TRPV3: variants seen among roughly 807,000 people sequenced by gnomAD.
TRPV3 encodes the protein transient receptor potential cation channel subfamily V member 3, also known as VRL-3.
TRPV3 carries 88 observed loss-of-function variants against 87.1 expected under a neutral mutation model. That is an observed-to-expected ratio of 1.01 (90% CI 0.85 to 1.21). The LOEUF is 1.21. Among genes scored for constraint, TRPV3 ranks in the 50% most tolerant of loss-of-function variants. TRPV3 has a pLI of 0.00. For synonymous variants in TRPV3, 438 were observed against 423.3 expected, an observed-to-expected ratio of 1.03 and a Z score of -0.43; for missense variants, 1,054 against 1,030.1, an observed-to-expected ratio of 1.02 and a Z score of -0.32.
At chr17:3,552,790 G>A (rs1241515194) in intron 2 of TRPV3, 1 of 152,162 alleles carries the variant, frequency 6.6e-6, no homozygotes, top group Non-Finnish European at 1.5e-5. Flanking sequence ...TTTTCCGGAG[G>A]TCCAAACCTC....
Position 3,517,209 on chromosome 17 carries a change from T to C in TRPV3, c.2086-640A>G, listed in dbSNP as rs140875469. Among the ~76,000 whole-genome samples the C allele has an allele frequency of 5.8e-3, 876 of 152,178 alleles. 13 individuals are homozygous for C. Among genetic ancestry groups the C allele is most frequent in the Non-Finnish European group, 3.7e-3 (253 of 68,000 alleles). The stretch of plus-strand genomic sequence containing the variant: ...AAAGTGCTGGGGTCCTGGAATCCCA[T>C]AGCAGAGGACCGTTCAAACATCATT... On this transcript the variant is annotated intron_variant, in intron 15 of 17. Coordinates refer to ENST00000576742, the MANE Select transcript of TRPV3 (RefSeq NM_145068.4).
intron 8 of TRPV3, among the ~76,000 whole-genome samples, 187 bp downstream of exon 8, chr17:3,532,470 G>C (rs1321169378): frequency 6.6e-6 from 1 of 152,250 alleles, no homozygotes; most frequent in Non-Finnish European, 1.5e-5. Context: ...CACCAGCTCC[G>C]CGTGGCCCCT....
intron 1 of TRPV3, among the ~76,000 whole-genome samples, chr17:3,555,143 G>A (rs1365126649): frequency 6.6e-6 from 1 of 152,026 alleles, no homozygotes; most frequent in African/African-American, 2.4e-5. Flanking sequence ...ACCCTCCCCA[G>A]CCAACCAGTC....
intron 16 of TRPV3, among the ~76,000 whole-genome samples, chr17:3,515,431 G>A (rs565366954): frequency 2.0e-5 from 3 of 151,582 alleles, no homozygotes; most frequent in Non-Finnish European, 4.4e-5. Flanking sequence ...GAGGCCGAGG[G>A]GGGTGGATCA....
chr17:3,532,690 C>A lies in TRPV3; in HGVS notation c.1032G>T (p.Pro344=), dbSNP rs764246474. 13 of 1,614,102 alleles carry A rather than the reference C, an allele frequency of 8.1e-6. No individual in the cohort carries two copies. The highest frequency in any genetic ancestry group is 1.1e-5 in the Non-Finnish European group (13 of 1,180,046). Residue 344 remains proline, a synonymous_variant, in exon 8 of 18, where the codon CCG becomes CCT. Transcript: ENST00000576742. The part of the protein sequence containing the change: ...ETTRNNDGLT[P]LQLAAKMGKA... ...TGCCCATCTTGGCGGCCAGCTGCAG[C>A]GGCGTGAGGCCATCGTTGTTGCGAG...
At position 3,532,648 on chromosome 17, in the gene TRPV3, T is replaced by C. The variant is rs575813395; in HGVS notation, c.1065+9A>G. ...CGACCTCCTGCCTCCCCACGCCCCA[T>C]GGCCCCACCTCCGCCTTGCCCATCT... On this transcript the variant is annotated intron_variant, in intron 8 of 17. Coordinates refer to ENST00000576742, the MANE Select transcript of TRPV3 (RefSeq NM_145068.4). 19 of 1,613,424 alleles carry C rather than the reference T, an allele frequency of 1.2e-5. No individual in the cohort carries two copies. The highest frequency in any genetic ancestry group is 6.7e-5 in the East Asian group (3 of 44,866).
Position 3,535,727 on chromosome 17 carries a change from G to T in TRPV3, c.644-14C>A, listed in dbSNP as rs1475382488. 1.4e-6 allele frequency: 2 copies of T among 1,469,402 alleles called. No individual in the cohort carries two copies. The highest frequency in any genetic ancestry group is 5.4e-5 in the East Asian group (2 of 37,162). 91.0% of individuals were successfully genotyped at this position (1,469,402 alleles called of 1,614,324 possible). Reference sequence around the variant, plus strand: ...GCGCCGTCTGCCCTGCGGAGCGGGCGGGGACGCGCGGGAGCCTCAGCGCCG... The same window carrying T: ...GCGCCGTCTGCCCTGCGGAGCGGGCTGGGACGCGCGGGAGCCTCAGCGCCG... On this transcript the variant is annotated splice_polypyrimidine_tract_variant and intron_variant, in intron 6 of 17. Transcript: ENST00000576742.
chr17:3,522,179 C>T (rs2074253184), intron 13 of TRPV3, among the ~76,000 whole-genome samples: 2 of 152,110 alleles, frequency 1.3e-5, no homozygotes, highest in South Asian at 2.1e-4. Flanking sequence ...ATTGTGTGTG[C>T]TTTTGAGGTT....
intron 2 of TRPV3, 186 bp downstream of exon 2, chr17:3,554,545 GC>G: frequency 1.9e-6 from 1 of 538,824 alleles, no homozygotes; most frequent in Non-Finnish European, 3.3e-6. Context: ...CCCCAGCTCA[GC>G]CCCCTGAGTG....
At chr17:3,548,474 G>A (rs2074545027) in intron 2 of TRPV3, among the ~76,000 whole-genome samples, 1 of 152,230 alleles carries the variant, frequency 6.6e-6, no homozygotes, top group African/African-American at 2.4e-5. Flanking sequence ...AGCTCCAGGG[G>A]TTGGCCACAA....
Position 3,530,226 on chromosome 17 carries a change from C to G in TRPV3, c.1066-23G>C, listed in dbSNP as rs953783888. 1 of 1,599,740 alleles carries G rather than the reference C, an allele frequency of 6.3e-7. No individual in the cohort carries two copies. Among genetic ancestry groups the G allele is most frequent in the East Asian group, 2.2e-5 (1 of 44,642 alleles). On this transcript the variant is annotated intron_variant, in intron 8 of 17. Transcript: ENST00000576742. This position sits in a 1 kb window ranked among gnomAD's most constrained non-coding sequence, Gnocchi z 4.0. ...GATCTGGGACAGGAGGAGGAACAAC[C>G]ATCAGCTGCAGAACAGGGGCTTAAG...
At chr17:3,529,924 G>T in intron 9 of TRPV3, 103 bp downstream of exon 9, 2 of 1,351,632 alleles carry the variant, frequency 1.5e-6, no homozygotes, top group Non-Finnish European at 2.0e-6. Context: ...AGATGCCGAG[G>T]GATGGAGCTG....
At chr17:3,549,847 T>C (rs1847500572) in intron 2 of TRPV3, among the ~76,000 whole-genome samples, 1 of 150,378 alleles carries the variant, frequency 6.6e-6, no homozygotes, top group Non-Finnish European at 1.5e-5. Flanking sequence ...AGATGATTGA[T>C]GGGTGAATAA....
At position 3,518,516 on chromosome 17, in the gene TRPV3, A is replaced by C. The variant is rs1052369296; in HGVS notation, c.2085+60T>G. On this transcript the variant is annotated intron_variant, in intron 15 of 17. Transcript: ENST00000576742. This position sits in a 1 kb window ranked among gnomAD's most constrained non-coding sequence, Gnocchi z 4.3. The stretch of plus-strand genomic sequence containing the variant: ...CCACTGGTGCTGACAGTAGTCAATG[A>C]CCACGTGCTGAACTGAGTCCCGTGG... 5 of 1,496,632 alleles carry C rather than the reference A, an allele frequency of 3.3e-6. No homozygotes were observed. The highest frequency in any genetic ancestry group is 4.5e-6 in the Non-Finnish European group (5 of 1,119,398). The allele number at this position is 1,496,632 out of a possible 1,614,324, so 92.7% of individuals were successfully genotyped here.
intron 5 of TRPV3, 117 bp from the exon 6 acceptor site, chr17:3,542,815 C>T (rs1312470926): frequency 2.8e-6 from 3 of 1,065,480 alleles, no homozygotes; most frequent in Non-Finnish European, 4.0e-6. Flanking sequence ...CACATCTCCA[C>T]TCCCAGACCT....
In TRPV3 at chr17:3,513,968, GGTTTTGCTGTT is replaced by G. The variant is rs1342517115; in HGVS notation, c.2311_2321del (p.Asn771HisfsTer6). 6.2e-7 allele frequency: 1 copy of G among 1,614,044 alleles called. No homozygotes were observed. On this transcript the variant is annotated frameshift_variant, in exon 18 of 18. Transcript: ENST00000576742. LOFTEE classifies it high-confidence loss of function. Reference sequence around the variant, plus strand: ...CGACTTCTTCAAATGCATTGAGAGTGGTTTTGCTGTTGTTCCTGGAAGAATCTTGGATTTTG... The same window carrying G: ...CGACTTCTTCAAATGCATTGAGAGTGGTTCCTGGAAGAATCTTGGATTTTG...
chr17:3,521,962 G>C (rs1185977074), intron 13 of TRPV3, among the ~76,000 whole-genome samples: 1 of 152,068 alleles, frequency 6.6e-6, no homozygotes, highest in African/African-American at 2.4e-5. Flanking sequence ...TGTGATCCCA[G>C]CTACTCCAGA....
At chr17:3,546,702 G>A (rs1434824905) in intron 2 of TRPV3, 1 of 455,310 alleles carries the variant, frequency 2.2e-6, no homozygotes. Context: ...GCTAGGCCAG[G>A]TGTGGTGGCT....
chr17:3,517,516 G>A (rs534089035), intron 15 of TRPV3, among the ~76,000 whole-genome samples: 100 of 151,828 alleles, frequency 6.6e-4, no homozygotes, highest in Admixed American at 2.0e-3. Flanking sequence ...CTACTTGGGA[G>A]GCTGAGGTGG....
Sources: gnomAD v4.1 joint callset for allele counts (sites outside exome capture counted in the v4.1 genomes callset) on GRCh38, gnomAD v4.1.1 for gene constraint, Gnocchi (gnomAD v3.1) non-coding constraint, MANE v1.5 for transcripts, NCBI Gene and HGNC (gene_info 2026-07-23, HGNC 2026-07-21) for gene names.